The following TUSC3 variants were observed in gnomAD, a reference collection of about 807,000 sequenced individuals.
The protein encoded by TUSC3 is tumor suppressor candidate 3.
TUSC3 carries 45 observed loss-of-function variants against 44.8 expected under a neutral mutation model. That is an observed-to-expected ratio of 1.00 (90% CI 0.79 to 1.29). TUSC3 has a LOEUF of 1.29. Ranked by LOEUF, TUSC3 falls within the 50% of genes most tolerant of loss-of-function variation. The pLI is 0.00. For synonymous variants in TUSC3, 212 were observed against 152.9 expected, an observed-to-expected ratio of 1.39 and a Z score of -2.85; for missense variants, 519 against 437.9, an observed-to-expected ratio of 1.19 and a Z score of -1.65.
intron 5 of TUSC3, among the ~76,000 whole-genome samples, chr8:15,669,933 G>T (rs73195196): frequency 6.6e-6 from 1 of 151,316 alleles, no homozygotes; most frequent in Admixed American, 6.6e-5. Flanking sequence ...GACCTAATTC[G>T]TAAATTGGGT....
At position 15,734,323 on chromosome 8, in the gene TUSC3, G is replaced by T. The variant is rs144285890; in HGVS notation, c.862+3594G>T. Among the ~76,000 whole-genome samples, 1,005 of 152,116 alleles carry T rather than the reference G, an allele frequency of 6.6e-3. 13 individuals carry two copies. Among genetic ancestry groups the T allele is most frequent in the African/African-American group, 0.023 (957 of 41,536 alleles). On this transcript the variant is annotated intron_variant, in intron 7 of 10. Coordinates refer to ENST00000503731, the MANE Select transcript of TUSC3 (RefSeq NM_006765.4). ...TAAGAGAAAACAGATGGAGCATTTT[G>T]TATCATAGGTTATAGATTTATATTT...
intron 1 of TUSC3, among the ~76,000 whole-genome samples, chr8:15,440,240 C>T (rs73189499): frequency 0.16 from 24,739 of 152,014 alleles, 2,094 homozygotes; most frequent in Middle Eastern, 0.22. Context: ...GAGAACTTTA[C>T]GGGCAGTGGA....
At chr8:15,720,859 G>A (rs1184992351) in intron 6 of TUSC3, among the ~76,000 whole-genome samples, 3 of 152,084 alleles carry the variant, frequency 2.0e-5, no homozygotes, top group Non-Finnish European at 2.9e-5. Flanking sequence ...TGATCGAAGG[G>A]CAATATAACA....
At chr8:15,431,896 A>T (rs7821905) in intron 1 of TUSC3, among the ~76,000 whole-genome samples, 24,179 of 78,252 alleles carry the variant, frequency 0.31, 2,319 homozygotes, top group Admixed American at 0.39. Flanking sequence ...TTCAAATGCC[A>T]TTTCTGTGTC....
At chr8:15,827,327 C>T in the TUSC3 span, among the ~76,000 whole-genome samples, 1 of 152,194 alleles carries the variant, frequency 6.6e-6, no homozygotes, top group Admixed American at 6.5e-5. Flanking sequence ...AAAAATATTT[C>T]TCAAATTATG....
chr8:15,435,096 C>G (rs1367744655), intron 1 of TUSC3, among the ~76,000 whole-genome samples: 2 of 148,804 alleles, frequency 1.3e-5, no homozygotes, highest in Non-Finnish European at 2.9e-5. Context: ...TTCTAGATCC[C>G]TGAGGAATCG....
chr8:15,504,624 T>A (rs1284201544), intron 2 of TUSC3, among the ~76,000 whole-genome samples: 34 of 52,886 alleles, frequency 6.4e-4, no homozygotes, highest in African/African-American at 3.1e-3. Context: ...TATATATATT[T>A]TTTTTTTTTT....
At chr8:15,637,865 G>A (rs868865312) in intron 2 of TUSC3, among the ~76,000 whole-genome samples, 28 of 152,036 alleles carry the variant, frequency 1.8e-4, no homozygotes, top group Admixed American at 2.6e-4. Context: ...CCTTCTTGCA[G>A]TGGCATATTC....
Position 15,612,601 on chromosome 8 carries a change from A to G in TUSC3, c.139-10479A>G, listed in dbSNP as rs557674106. Among the ~76,000 whole-genome samples the G allele has an allele frequency of 3.0e-4, 45 of 152,318 alleles. 1 individual carries two copies. Among genetic ancestry groups the G allele is most frequent in the African/African-American group, 8.7e-4 (36 of 41,570 alleles). ...TTGCTATAAAGTTAAGCCTTCATAA[A>G]ATGTTAAGATAAAAATACAAGAAGG... On this transcript the variant is annotated intron_variant, in intron 1 of 10. Coordinates refer to ENST00000503731, the MANE Select transcript of TUSC3 (RefSeq NM_006765.4).
intron 6 of TUSC3, among the ~76,000 whole-genome samples, chr8:15,715,056 C>T (rs1040051180): frequency 1.3e-4 from 20 of 152,270 alleles, no homozygotes; most frequent in Middle Eastern, 3.4e-3. Flanking sequence ...TTAACCTTTT[C>T]TGTAAAATGG....
chr8:15,527,141 G>T (rs1801383631), intron 2 of TUSC3, among the ~76,000 whole-genome samples: 1 of 152,080 alleles, frequency 6.6e-6, no homozygotes, highest in Non-Finnish European at 1.5e-5. Context: ...CCACTTAAAA[G>T]AAAACAATAG....
intron 6 of TUSC3, among the ~76,000 whole-genome samples, chr8:15,710,833 T>C (rs887443282): frequency 6.8e-6 from 1 of 147,702 alleles, no homozygotes; most frequent in Non-Finnish European, 1.5e-5. Flanking sequence ...TTTATAAATA[T>C]ATATATATTC....
At chr8:15,509,242 G>C (rs766442979) in intron 2 of TUSC3, among the ~76,000 whole-genome samples, 15 of 152,180 alleles carry the variant, frequency 9.9e-5, no homozygotes, top group African/African-American at 3.1e-4. Flanking sequence ...TGATGCTCTT[G>C]TCAATAAATT....
chr8:15,656,457 C>T (rs917262082), intron 3 of TUSC3, among the ~76,000 whole-genome samples: 2 of 152,216 alleles, frequency 1.3e-5, no homozygotes, highest in African/African-American at 4.8e-5. Flanking sequence ...GGGTAACTGG[C>T]TCCAAGTAAG....
the TUSC3 span, chr8:15,807,079 T>A: frequency 7.2e-7 from 1 of 1,387,690 alleles, no homozygotes; most frequent in South Asian, 1.2e-5. Context: ...CAGCAGTATT[T>A]GGCAACCTGA....
At chr8:15,431,768 T>G (rs1563249246) in intron 1 of TUSC3, among the ~76,000 whole-genome samples, 1 of 151,776 alleles carries the variant, frequency 6.6e-6, no homozygotes, top group African/African-American at 2.4e-5. Context: ...GATTTCAGTT[T>G]TTTACCATTG....
chr8:15,847,918 AAATAAATG>A, the TUSC3 span, among the ~76,000 whole-genome samples: 1 of 152,188 alleles, frequency 6.6e-6, no homozygotes, highest in Non-Finnish European at 1.5e-5. Flanking sequence ...TTATTGTGAG[AAATAAATG>A]AAATCATTCT....
chr8:15,509,941 A>G (rs1403955871), intron 2 of TUSC3, among the ~76,000 whole-genome samples: 1 of 152,220 alleles, frequency 6.6e-6, no homozygotes, highest in East Asian at 1.9e-4. Context: ...TGGCCTAGGC[A>G]GGAGTATTGC....
chr8:15,687,241 A>T (rs112430074), intron 6 of TUSC3, among the ~76,000 whole-genome samples: 1 of 152,134 alleles, frequency 6.6e-6, no homozygotes. Flanking sequence ...TGTTTCCAGT[A>T]GTAGTACAGA....
Sources: gnomAD v4.1 joint callset for allele counts (sites outside exome capture counted in the v4.1 genomes callset) on GRCh38, gnomAD v4.1.1 for gene constraint, MANE v1.5 for transcripts, NCBI Gene and HGNC (gene_info 2026-07-23, HGNC 2026-07-21) for gene names.